The following RLF variants were observed in gnomAD, a reference collection of about 807,000 sequenced individuals.
The protein encoded by RLF is RLF zinc finger, also known as zinc finger protein Rlf.
A neutral mutation model predicts 162.9 loss-of-function variants in RLF; 7 were observed. That is an observed-to-expected ratio of 0.04 (90% CI 0.02 to 0.08). The LOEUF is 0.08. Ranked by LOEUF, RLF falls within the 10% of genes least tolerant of loss-of-function variation. The pLI is 1.00. For synonymous variants in RLF, 782 were observed against 791.5 expected, an observed-to-expected ratio of 0.99 and a Z score of 0.20; for missense variants, 1,664 against 2,244.7, an observed-to-expected ratio of 0.74 and a Z score of 5.23.
At chr1:40,183,353 A>T (rs1316321130) in intron 1 of RLF, among the ~76,000 whole-genome samples, 1 of 152,256 alleles carries the variant, frequency 6.6e-6, no homozygotes, top group Non-Finnish European at 1.5e-5. Context: ...GCCATAGAAC[A>T]TACAGCTTTA....
intron 4 of RLF, among the ~76,000 whole-genome samples, chr1:40,197,936 A>G (rs1460872938): frequency 6.6e-6 from 1 of 152,200 alleles, no homozygotes; most frequent in Non-Finnish European, 1.5e-5. Context: ...ATAAGTGCCA[A>G]TTGTTGATAA....
At chr1:40,162,095 G>T (rs1246127773) in intron 1 of RLF, among the ~76,000 whole-genome samples, 1 of 152,144 alleles carries the variant, frequency 6.6e-6, no homozygotes, top group Non-Finnish European at 1.5e-5. Flanking sequence ...ACATCTTCTG[G>T]GCTCCTAAAA....
chr1:40,180,507 C>CTGGGAA (rs1426248210), intron 1 of RLF, among the ~76,000 whole-genome samples: 1 of 152,164 alleles, frequency 6.6e-6, no homozygotes, highest in Non-Finnish European at 1.5e-5. Flanking sequence ...AGTGATCAAC[C>CTGGGAA]TGCCTTGGCT....
chr1:40,237,320 C>T lies in RLF; in HGVS notation c.2618C>T (p.Ala873Val), dbSNP rs758514136. Residue 873 changes from alanine (A) to valine (V), a missense_variant, in exon 8 of 8, where the codon GCA (alanine) becomes GTA (valine). Ala to Val is a moderately conservative substitution (Grantham distance 64). Transcript: ENST00000372771. This position sits in a 1 kb window ranked among gnomAD's most constrained non-coding sequence, Gnocchi z 4.4. The stretch of plus-strand genomic sequence containing the variant: ...CATTTACCTGAAGATCTTTTCTGTG[C>T]AGAATCAGCTAATTCTCAAATAGAT... ...KSHLPEDLFC[A>V]ESANSQIDTE... is the part of the protein sequence containing the mutation. The T allele has an allele frequency of 1.2e-6, 2 of 1,613,966 alleles. No individual in the cohort carries two copies. The highest frequency in any genetic ancestry group is 4.5e-5 in the East Asian group (2 of 44,874).
chr1:40,240,061 T>A lies in RLF; in HGVS notation c.5359T>A (p.Phe1787Ile). 4.3e-6 allele frequency: 7 copies of A among 1,614,116 alleles called. No individual in the cohort carries two copies. Among genetic ancestry groups the A allele is most frequent in the Non-Finnish European group, 5.1e-6 (6 of 1,180,000 alleles). ...GGAAAGTGAAGAGAAAGAAGATGAT[T>A]TTGATGATTGGGAGCCTTCAGAGCA... Reference protein sequence around the residue: ...IQESEEKEDDFDDWEPSEHLT... With the variant: ...IQESEEKEDDIDDWEPSEHLT... The change falls in exon 8 of 8, where the codon TTT becomes ATT. Residue 1787 changes from phenylalanine to isoleucine, a missense_variant. Around this residue, in one of 15 missense-constraint regions of RLF, gnomAD observed 327 missense variants for 342.7 expected, o/e 0.95. Transcript: ENST00000372771.
At chr1:40,172,078 G>A (rs555296594) in intron 1 of RLF, among the ~76,000 whole-genome samples, 3 of 152,062 alleles carry the variant, frequency 2.0e-5, no homozygotes, top group Admixed American at 6.5e-5. Context: ...ATAAATGCAT[G>A]GTATTCCATC....
At chr1:40,213,094 A>G (rs944005251) in intron 5 of RLF, among the ~76,000 whole-genome samples, 3 of 152,196 alleles carry the variant, frequency 2.0e-5, no homozygotes, top group African/African-American at 7.2e-5. Context: ...GTGATCATAC[A>G]AGGAATGAGA....
rs746183330 is a variant in RLF, at chr1:40,236,281, G to T, written c.1579G>T (p.Asp527Tyr). 1.2e-6 allele frequency: 2 copies of T among 1,613,878 alleles called. No individual in the cohort carries two copies. The highest frequency in any genetic ancestry group is 8.5e-7 in the Non-Finnish European group (1 of 1,179,962). ...GKEDKQYRRR[D>Y]LTDQHKEKRD... ...AGAAGATAAACAATATAGAAGAAGAGATTTGACAGATCAGCATAAGGAGAA... is the reference window on the plus strand; with the variant it reads ...AGAAGATAAACAATATAGAAGAAGATATTTGACAGATCAGCATAAGGAGAA... The change falls in exon 8 of 8, where the codon GAT becomes TAT. Residue 527 changes from aspartate (D) to tyrosine (Y), a missense_variant. Physicochemically the swap from Asp to Tyr is radical, Grantham distance 160. This residue lies in a region of RLF where 54 missense variants were observed against 71.7 expected (regional missense o/e 0.75). Coordinates refer to ENST00000372771, the MANE Select transcript of RLF (RefSeq NM_012421.4). The surrounding 1 kb of genome is among the most constrained non-coding windows in gnomAD (Gnocchi z 7.7).
chr1:40,192,395 A>G (rs1340575878), intron 3 of RLF, among the ~76,000 whole-genome samples: 2 of 152,210 alleles, frequency 1.3e-5, no homozygotes, highest in Admixed American at 1.3e-4. Flanking sequence ...GTAGTTCAGC[A>G]TCCCTAATCT....
intron 7 of RLF, among the ~76,000 whole-genome samples, chr1:40,234,609 A>G (rs1345235489): frequency 1.3e-5 from 2 of 152,242 alleles, no homozygotes; most frequent in African/African-American, 2.4e-5. Context: ...TGTTATTAAC[A>G]TTACTGTTAT....
At position 40,240,067 on chromosome 1, in the gene RLF, G is replaced by T. The variant is rs751373661; in HGVS notation, c.5365G>T (p.Asp1789Tyr). ...ESEEKEDDFD[D>Y]WEPSEHLTLS... ...TGAAGAGAAAGAAGATGATTTTGAT[G>T]ATTGGGAGCCTTCAGAGCACTTAAC... Residue 1789 changes from aspartate to tyrosine, a missense_variant, in exon 8 of 8, where the codon GAT (aspartate) becomes TAT (tyrosine). Around this residue, in one of 15 missense-constraint regions of RLF, gnomAD observed 327 missense variants for 342.7 expected, o/e 0.95. Coordinates refer to ENST00000372771, the MANE Select transcript of RLF (RefSeq NM_012421.4). 2 of 1,614,112 alleles carry T rather than the reference G, an allele frequency of 1.2e-6. No homozygotes were observed. The highest frequency in any genetic ancestry group is 4.5e-5 in the East Asian group (2 of 44,876).
intron 5 of RLF, among the ~76,000 whole-genome samples, chr1:40,218,885 A>G (rs775113824): frequency 1.3e-5 from 2 of 152,352 alleles, no homozygotes; most frequent in African/African-American, 2.4e-5. Flanking sequence ...AATAGTAAAC[A>G]TAATTGATTC....
rs960516748 is a variant in RLF at position 40,195,773 on chromosome 1, T to G, written c.607+9T>G. The stretch of plus-strand genomic sequence containing the variant: ...AGTAGAAACGGAGGAAGGTAAGTCT[T>G]AAGACTATATTGGATGAGGATTTAG... On this transcript the variant is annotated intron_variant, in intron 4 of 7. Coordinates refer to ENST00000372771, the MANE Select transcript of RLF (RefSeq NM_012421.4). The G allele has an allele frequency of 6.8e-6, 11 of 1,608,652 alleles. No individual in the cohort carries two copies. In the African/African-American group the frequency reaches 1.5e-4, roughly 22 times the overall value.
chr1:40,169,404 CAG>C (rs1415726884), intron 1 of RLF, among the ~76,000 whole-genome samples: 1 of 151,884 alleles, frequency 6.6e-6, no homozygotes, highest in African/African-American at 2.4e-5. Context: ...ATCATGAGGT[CAG>C]GAGATCGAGA....
chr1:40,176,464 A>G (rs1381129239), intron 1 of RLF, among the ~76,000 whole-genome samples: 1 of 152,114 alleles, frequency 6.6e-6, no homozygotes, highest in African/African-American at 2.4e-5. Flanking sequence ...TAAAATTTTG[A>G]GATAGGGTCT....
chr1:40,215,418 G>A (rs1642913219), intron 5 of RLF, among the ~76,000 whole-genome samples: 1 of 151,980 alleles, frequency 6.6e-6, no homozygotes, highest in Non-Finnish European at 1.5e-5. Context: ...TTAAAGGATT[G>A]AAATACATAA....
At chr1:40,177,690 T>C (rs140374433) in intron 1 of RLF, among the ~76,000 whole-genome samples, 52 of 152,320 alleles carry the variant, frequency 3.4e-4, no homozygotes, top group Non-Finnish European at 6.3e-4. Context: ...ACAGAGATGT[T>C]CTGCTATTTT....
At position 40,210,997 on chromosome 1, in the gene RLF, G is replaced by A. The variant is rs115377706; in HGVS notation, c.810+8383G>A. ...TGATACTATTCACAACAGGGGGTTG[G>A]CACCCACCCAGCTACCTGTTTTTAT... On this transcript the variant is annotated intron_variant, in intron 5 of 7. Transcript: ENST00000372771. 8.4e-3 allele frequency among the ~76,000 whole-genome samples: 1,279 copies of A among 152,300 alleles called. 22 individuals carry two copies. Among genetic ancestry groups the A allele is most frequent in the African/African-American group, 0.029 (1,216 of 41,558 alleles).
chr1:40,221,832 G>A (rs527568872), intron 5 of RLF, among the ~76,000 whole-genome samples: 4 of 148,566 alleles, frequency 2.7e-5, no homozygotes, highest in East Asian at 3.9e-4. Context: ...CCCGGAAGTC[G>A]GAGGTTGCAG....
Sources: gnomAD v4.1 joint callset for allele counts (sites outside exome capture counted in the v4.1 genomes callset) on GRCh38, gnomAD v4.1.1 for gene constraint, gnomAD v4.1.1 regional missense constraint, Gnocchi (gnomAD v3.1) non-coding constraint, MANE v1.5 for transcripts, NCBI Gene and HGNC (gene_info 2026-07-23, HGNC 2026-07-21) for gene names.